Variants in DMTF1 observed in about 807,000 individuals in gnomAD.
The protein encoded by DMTF1 is cyclin D binding myb like transcription factor 1, also known as cyclin-D-binding Myb-like transcription factor 1.
DMTF1 carries 39 observed loss-of-function variants against 91.1 expected under a neutral mutation model. The ratio of observed to expected loss-of-function variants is 0.43; its 90% CI spans 0.33 to 0.56. The LOEUF (loss-of-function observed/expected upper bound fraction) is 0.56. DMTF1 is among the 20% of genes least tolerant of loss of function. The pLI is 0.05. For synonymous variants in DMTF1, 338 were observed against 309.5 expected, an observed-to-expected ratio of 1.09 and a Z score of -0.97; for missense variants, 750 against 914.5, an observed-to-expected ratio of 0.82 and a Z score of 2.32.
chr7:87,174,736 G>T, intron 7 of DMTF1, 67 bp downstream of exon 7: 1 of 1,123,846 alleles, frequency 8.9e-7, no homozygotes, highest in South Asian at 1.3e-5. Flanking sequence ...TATCAACACA[G>T]AATGTTGTGT....
At chr7:87,181,942 TTG>T in intron 9 of DMTF1, 3 of 1,193,310 alleles carry the variant, frequency 2.5e-6, no homozygotes, top group East Asian at 6.5e-5. Context: ...GCCTGGGAGA[TTG>T]TGTCAGTAAC....
rs189705385 is a variant in DMTF1 at position 87,184,700 on chromosome 7, G to A, written c.1049+75G>A. ...TGTCTTGATAGACTTTCCTCTTTTG[G>A]TTTTCCTGGATGCCTAGTGTCTGAA... On this transcript the variant is annotated intron_variant, in intron 11 of 17. Coordinates refer to ENST00000331242, the MANE Select transcript of DMTF1 (RefSeq NM_001142327.2). The A allele has an allele frequency of 3.3e-3, 4,401 of 1,323,338 alleles. 8 individuals are homozygous for A. Among genetic ancestry groups the A allele is most frequent in the Non-Finnish European group, 4.2e-3 (3,951 of 933,248 alleles). 82.0% of individuals were successfully genotyped at this position (1,323,338 alleles called of 1,614,324 possible).
intron 9 of DMTF1, 148 bp from the exon 10 acceptor site, chr7:87,182,080 C>T (rs1457699919): frequency 1.3e-6 from 2 of 1,539,210 alleles, no homozygotes; most frequent in Non-Finnish European, 8.7e-7. Flanking sequence ...CAAAAAAAGG[C>T]CACACTTTCA....
At chr7:87,163,413 C>G (rs1267627287) in intron 1 of DMTF1, 82 bp from the exon 2 acceptor site, 1 of 152,158 alleles carries the variant, frequency 6.6e-6, no homozygotes, top group Admixed American at 6.5e-5. Flanking sequence ...GAGGCTTGGG[C>G]CTAGATTGTC....
At chr7:87,166,140 A>G (rs749507891) in intron 3 of DMTF1, among the ~76,000 whole-genome samples, 1 of 152,220 alleles carries the variant, frequency 6.6e-6, no homozygotes, top group Non-Finnish European at 1.5e-5. Flanking sequence ...GTGTTCCAGC[A>G]GATCACACTA....
At position 87,160,420 on chromosome 7, in the gene DMTF1, G is replaced by A. The variant is rs192812491; in HGVS notation, c.-131-3075G>A. Among the ~76,000 whole-genome samples the A allele has an allele frequency of 3.6e-3, 552 of 151,914 alleles. 2 individuals carry two copies. The highest frequency in any genetic ancestry group is 0.011 in the African/African-American group (461 of 41,428). On this transcript the variant is annotated intron_variant, in intron 1 of 17. Transcript: ENST00000331242. ...CTCTCGAGTAGCTGGGATTACAGGC[G>A]CCTGCCACCACACCCGGCTAATTTT...
rs76828576 is a variant in DMTF1, at chr7:87,196,321, C to T, written c.*1181C>T. ...TTAACAGAAATAAAAGAATATTTGT[C>T]TTAAGATGCAAGATTTGTTTTTACA... On this transcript the variant is annotated 3_prime_UTR_variant, in exon 18 of 18. Coordinates refer to ENST00000331242, the MANE Select transcript of DMTF1 (RefSeq NM_001142327.2). 2.2e-3 allele frequency: 462 copies of T among 214,332 alleles called. 4 individuals are homozygous for T. Among genetic ancestry groups the T allele is most frequent in the African/African-American group, 0.01 (436 of 43,224 alleles). The allele number at this position is 214,332 out of a possible 1,614,324, so 13.3% of individuals were successfully genotyped here.
At chr7:87,186,178 A>C (rs1439608861) in intron 12 of DMTF1, 198 bp downstream of exon 12, 6 of 560,596 alleles carry the variant, frequency 1.1e-5, no homozygotes, top group Non-Finnish European at 1.9e-5. Context: ...AAAGCCCCTA[A>C]AATGAAAATG....
intron 5 of DMTF1, among the ~76,000 whole-genome samples, chr7:87,172,729 C>T (rs796187649): frequency 3.9e-5 from 6 of 152,224 alleles, no homozygotes; most frequent in East Asian, 1.9e-4. Flanking sequence ...ATACCTCATA[C>T]GGTAGCACTG....
Position 87,179,530 on chromosome 7 carries a change from A to G in DMTF1, c.520-15A>G. ...TATCAGAAATCCCTAAATCAAAGAAATGTAACCCATTTAGGCACGCGGAAT... is the reference window on the plus strand; with the variant it reads ...TATCAGAAATCCCTAAATCAAAGAAGTGTAACCCATTTAGGCACGCGGAAT... On this transcript the variant is annotated splice_polypyrimidine_tract_variant and intron_variant, in intron 7 of 17. Transcript: ENST00000331242. 2 of 1,498,064 alleles carry G rather than the reference A, an allele frequency of 1.3e-6. No homozygotes were observed. The highest frequency in any genetic ancestry group is 1.5e-5 in the South Asian group (1 of 68,946). 92.8% of individuals were successfully genotyped at this position (1,498,064 alleles called of 1,614,324 possible). A position where few individuals can be genotyped will look rare whatever the true frequency, so the allele number is the denominator to read the frequency against.
intron 1 of DMTF1, among the ~76,000 whole-genome samples, chr7:87,156,761 T>C (rs376513734): frequency 1.3e-5 from 2 of 152,296 alleles, no homozygotes; most frequent in Non-Finnish European, 1.5e-5. Context: ...AATAAACATA[T>C]CTTAAAATTT....
chr7:87,156,990 G>T (rs1265486838), intron 1 of DMTF1, among the ~76,000 whole-genome samples: 1 of 152,074 alleles, frequency 6.6e-6, no homozygotes, highest in East Asian at 1.9e-4. Context: ...GATACAGTAA[G>T]TACAAAAAAG....
chr7:87,193,345 G>A lies in DMTF1; in HGVS notation c.1642G>A (p.Ala548Thr), dbSNP rs570856389. ...TTCTCCTGAACAGATTATTGTTCATGCTTTATCCGTATGTTACATAAATTA... is the reference window on the plus strand; with the variant it reads ...TTCTCCTGAACAGATTATTGTTCATACTTTATCCGTATGTTACATAAATTA... ...PASPEQIIVH[A>T]LSPEHLLNTS... Residue 548 changes from alanine (A) to threonine (T), a missense_variant, in exon 15 of 18, where the codon GCT becomes ACT. This residue lies in a region of DMTF1 where 410 missense variants were observed against 420.2 expected (regional missense o/e 0.98). Coordinates refer to ENST00000331242, the MANE Select transcript of DMTF1 (RefSeq NM_001142327.2). The A allele has an allele frequency of 5.0e-6, 8 of 1,613,076 alleles. 1 individual carries two copies. In the African/African-American group the frequency reaches 6.7e-5, roughly 13 times the overall value.
At chr7:87,162,439 T>TA (rs1792696347) in intron 1 of DMTF1, among the ~76,000 whole-genome samples, 1 of 152,142 alleles carries the variant, frequency 6.6e-6, no homozygotes, top group Non-Finnish European at 1.5e-5. Context: ...GAGCAGATTC[T>TA]AAAAAGCAGG....
intron 4 of DMTF1, among the ~76,000 whole-genome samples, chr7:87,167,576 A>G (rs947786834): frequency 7.1e-6 from 1 of 141,244 alleles, no homozygotes; most frequent in Non-Finnish European, 1.6e-5. Flanking sequence ...AGCATGGAAA[A>G]TCATATCTAT....
At position 87,193,967 on chromosome 7, in the gene DMTF1, T is replaced by C. The variant is rs1346952354; in HGVS notation, c.1893T>C (p.His631=). The change falls in exon 16 of 18, where the codon CAT becomes CAC. Residue 631 remains histidine (H), a synonymous_variant. Transcript: ENST00000331242. ...MTVEPSFNDA[H]VSKFSDQNST... ...TGGAGCCATCATTTAATGATGCTCA[T>C]GTATCCAAATTCAGTGACCAAAATA... 1 of 1,613,306 alleles carries C rather than the reference T, an allele frequency of 6.2e-7. No individual in the cohort carries two copies. The highest frequency in any genetic ancestry group is 1.3e-5 in the African/African-American group (1 of 74,876).
chr7:87,164,860 A>G (rs1793445459), intron 2 of DMTF1, 74 bp from the exon 3 acceptor site: 4 of 766,628 alleles, frequency 5.2e-6, no homozygotes, highest in African/African-American at 3.6e-5. Flanking sequence ...GTGGTATTTC[A>G]GGGGATTATA....
chr7:87,173,186 A>G (rs1795494015), intron 5 of DMTF1, among the ~76,000 whole-genome samples: 1 of 152,172 alleles, frequency 6.6e-6, no homozygotes, highest in African/African-American at 2.4e-5. Context: ...TTACATGTGT[A>G]AATATTTAAA....
In DMTF1 at chr7:87,195,177, GCA is replaced by G; in HGVS notation, c.*41_*42del. ...GAAATAGGCAGTTCAAGCAAAGAAG[GCA>G]CACTGTTAATTACAACCTCTTCAAA... is the stretch of plus-strand genomic sequence containing the variant. On this transcript the variant is annotated 3_prime_UTR_variant, in exon 18 of 18. Transcript: ENST00000331242. The G allele has an allele frequency of 7.0e-7, 1 of 1,438,600 alleles. No homozygotes were observed. The allele number at this position is 1,438,600 out of a possible 1,614,324, so 89.1% of individuals were successfully genotyped here. A position where few individuals can be genotyped will look rare whatever the true frequency, so the allele number is the denominator to read the frequency against.
Sources: allele counts gnomAD v4.1 joint callset (sites outside exome capture counted in the v4.1 genomes callset), GRCh38; gene constraint gnomAD v4.1.1; regional missense constraint gnomAD v4.1.1; transcripts MANE v1.5; gene names NCBI Gene and HGNC (gene_info 2026-07-23, HGNC 2026-07-21).